PDGFD: variants seen among roughly 807,000 people sequenced by gnomAD.
PDGFD encodes platelet derived growth factor D.
PDGFD carries 30 observed loss-of-function variants against 44.7 expected under a neutral mutation model. The ratio of observed to expected loss-of-function variants is 0.67; its 90% confidence interval spans 0.50 to 0.91. PDGFD has a LOEUF of 0.91. PDGFD is among the 40% of genes least tolerant of loss of function. The pLI, the probability that PDGFD is intolerant of heterozygous loss-of-function variation, is 0.00. For missense variants in PDGFD, 445 were observed against 457.8 expected, an observed-to-expected ratio of 0.97 and a Z score of 0.25; for synonymous variants, 173 against 168.4, an observed-to-expected ratio of 1.03 and a Z score of -0.21.
chr11:104,072,520 C>G (rs889387957), intron 1 of PDGFD, among the ~76,000 whole-genome samples: 2 of 151,804 alleles, frequency 1.3e-5, no homozygotes, highest in Non-Finnish European at 3.0e-5. Context: ...GTATCATCTA[C>G]ATATAGAAAT....
chr11:104,162,305 C>A (rs767314127), intron 1 of PDGFD, among the ~76,000 whole-genome samples: 5 of 152,006 alleles, frequency 3.3e-5, no homozygotes, highest in Non-Finnish European at 7.4e-5. Context: ...TGAAGTCATG[C>A]AAATTACAAG....
In PDGFD at chr11:104,033,605, T is replaced by G. The variant is rs545750542; in HGVS notation, c.125-33350A>C. On this transcript the variant is annotated intron_variant, in intron 1 of 6. Coordinates refer to ENST00000393158, the MANE Select transcript of PDGFD (RefSeq NM_025208.5). ...ATGTGAACTCACAATTTTTGCTTTA[T>G]GAAAAACAAAAGGAAGCTTATTCTA... 7.9e-5 allele frequency among the ~76,000 whole-genome samples: 12 copies of G among 152,242 alleles called. No homozygotes were observed. The East Asian group carries it at 2.3e-3, about 29-fold the overall frequency.
chr11:103,934,176 A>G (rs941061359), intron 5 of PDGFD, among the ~76,000 whole-genome samples: 2 of 152,136 alleles, frequency 1.3e-5, no homozygotes, highest in Non-Finnish European at 2.9e-5. Context: ...TTCTTTTACT[A>G]TGCAAAATGG....
chr11:104,009,904 G>C (rs1241007384), intron 1 of PDGFD, among the ~76,000 whole-genome samples: 4 of 151,998 alleles, frequency 2.6e-5, no homozygotes, highest in African/African-American at 7.2e-5. Context: ...AGTCCTCCTG[G>C]GACTATTAAT....
chr11:104,077,273 A>G (rs1860972935), intron 1 of PDGFD, among the ~76,000 whole-genome samples: 1 of 152,204 alleles, frequency 6.6e-6, no homozygotes, highest in Admixed American at 6.5e-5. Context: ...ACAAGCCTGG[A>G]GACAGGGAGG....
At chr11:103,940,475 T>C (rs1858565641) in intron 5 of PDGFD, among the ~76,000 whole-genome samples, 2 of 152,114 alleles carry the variant, frequency 1.3e-5, no homozygotes, top group African/African-American at 4.8e-5. Context: ...AGAAGGAGAC[T>C]TTTTGGAGAT....
chr11:103,980,926 C>T (rs1395287096), intron 3 of PDGFD, among the ~76,000 whole-genome samples: 4 of 152,056 alleles, frequency 2.6e-5, no homozygotes, highest in African/African-American at 4.8e-5. Flanking sequence ...AAATAAATTT[C>T]TGTTGCCTAT....
At chr11:104,075,719 T>C (rs1860947360) in intron 1 of PDGFD, among the ~76,000 whole-genome samples, 1 of 152,102 alleles carries the variant, frequency 6.6e-6, no homozygotes, top group South Asian at 2.1e-4. Context: ...CCTGTCTCTC[T>C]CACCAGCGCT....
intron 1 of PDGFD, among the ~76,000 whole-genome samples, chr11:104,028,097 G>A (rs1860071868): frequency 6.6e-6 from 1 of 151,184 alleles, no homozygotes; most frequent in African/African-American, 2.4e-5. Flanking sequence ...GACTGAGGCA[G>A]GAGAATGGCG....
chr11:104,142,747 G>A (rs1430998513), intron 1 of PDGFD, among the ~76,000 whole-genome samples: 1 of 152,144 alleles, frequency 6.6e-6, no homozygotes, highest in Non-Finnish European at 1.5e-5. Context: ...TGATGTTGCT[G>A]TGCTAAAATC....
At chr11:104,025,859 T>A (rs1458324678) in intron 1 of PDGFD, among the ~76,000 whole-genome samples, 2 of 152,226 alleles carry the variant, frequency 1.3e-5, no homozygotes, top group African/African-American at 4.8e-5. Flanking sequence ...GCTTCCAGCC[T>A]CTAGGAAGCA....
At chr11:103,998,878 T>C (rs1474955224) in intron 2 of PDGFD, among the ~76,000 whole-genome samples, 2 of 152,182 alleles carry the variant, frequency 1.3e-5, no homozygotes, top group East Asian at 1.9e-4. Context: ...GATTTGGTAT[T>C]GGAAGTGTTC....
intron 3 of PDGFD, among the ~76,000 whole-genome samples, chr11:103,987,581 T>G (rs1205358294): frequency 6.6e-6 from 1 of 152,194 alleles, no homozygotes; most frequent in African/African-American, 2.4e-5. Context: ...GGCTTTTCAT[T>G]CCACCCAAGT....
intron 3 of PDGFD, among the ~76,000 whole-genome samples, chr11:103,965,292 C>A (rs1279474651): frequency 6.6e-6 from 1 of 152,094 alleles, no homozygotes; most frequent in Non-Finnish European, 1.5e-5. Context: ...AGGATCTTTC[C>A]TTTTACATAA....
chr11:104,142,140 TAAC>T (rs1482240474), intron 1 of PDGFD, among the ~76,000 whole-genome samples: 2 of 152,146 alleles, frequency 1.3e-5, no homozygotes, highest in African/African-American at 2.4e-5. Context: ...ATAATACACA[TAAC>T]AAACAATACA....
At chr11:104,022,126 T>C (rs560104994) in intron 1 of PDGFD, among the ~76,000 whole-genome samples, 3 of 152,180 alleles carry the variant, frequency 2.0e-5, no homozygotes, top group Non-Finnish European at 2.9e-5. Flanking sequence ...ATTTTAATTA[T>C]TCACGAAAGA....
chr11:104,002,486 T>C (rs1385363029), intron 1 of PDGFD, among the ~76,000 whole-genome samples: 1 of 152,172 alleles, frequency 6.6e-6, no homozygotes, highest in Non-Finnish European at 1.5e-5. Flanking sequence ...TCTGCTATGA[T>C]TGTAAGTTTC....
At chr11:103,927,442 C>A (rs1425057622) in intron 5 of PDGFD, among the ~76,000 whole-genome samples, 2 of 152,092 alleles carry the variant, frequency 1.3e-5, no homozygotes, top group African/African-American at 2.4e-5. Flanking sequence ...AAACATTTGG[C>A]AAATTAAAAT....
intron 3 of PDGFD, among the ~76,000 whole-genome samples, chr11:103,959,076 A>T (rs1858898174): frequency 6.6e-6 from 1 of 152,182 alleles, no homozygotes. Context: ...AAACGGGAAC[A>T]TTTTCTAAGA....
Sources: gnomAD v4.1 joint callset for allele counts (sites outside exome capture counted in the v4.1 genomes callset) on GRCh38, gnomAD v4.1.1 for gene constraint, MANE v1.5 for transcripts, NCBI Gene and HGNC (gene_info 2026-07-23, HGNC 2026-07-21) for gene names.